Variants in EHD1 observed in about 807,000 individuals in gnomAD.
EHD1 encodes EH domain containing 1.
Under a neutral mutation model 39.0 loss-of-function variants are expected in EHD1, and 19 were observed. The observed-to-expected ratio is 0.49, with a 90% CI of 0.34 to 0.72. The LOEUF is 0.72. EHD1 is among the 30% of genes least tolerant of loss of function. The pLI is 0.01. For missense variants in EHD1, 542 were observed against 751.5 expected, an observed-to-expected ratio of 0.72 and a Z score of 3.26; for synonymous variants, 323 against 331.2, an observed-to-expected ratio of 0.98 and a Z score of 0.27.
Position 64,855,309 on chromosome 11 carries a change from G to T in EHD1, c.1080+13C>A. The T allele has an allele frequency of 6.2e-7, 1 of 1,612,004 alleles. No individual in the cohort carries two copies. Among genetic ancestry groups the T allele is most frequent in the South Asian group, 1.1e-5 (1 of 91,014 alleles). On this transcript the variant is annotated intron_variant, in intron 4 of 4. Coordinates refer to ENST00000320631, the MANE Select transcript of EHD1 (RefSeq NM_006795.4). ...TGGCCACCAGCCTGCATGGGGCCTCGGGACAGCCGTACCTGCATCTTGCGG... is the reference window on the plus strand; with the variant it reads ...TGGCCACCAGCCTGCATGGGGCCTCTGGACAGCCGTACCTGCATCTTGCGG...
At chr11:64,875,215 A>G (rs1340597595) in intron 1 of EHD1, among the ~76,000 whole-genome samples, 3 of 152,162 alleles carry the variant, frequency 2.0e-5, no homozygotes, top group Non-Finnish European at 4.4e-5. Context: ...CTCAGTTGAG[A>G]GCAGGGATCC....
rs370110477 is a variant in EHD1 at position 64,869,892 on chromosome 11, C to T, written c.502+4529G>A. Among the ~76,000 whole-genome samples the T allele has an allele frequency of 3.9e-4, 59 of 152,290 alleles. No homozygotes were observed. In the East Asian group the frequency reaches 0.011, roughly 28 times the overall value. On this transcript the variant is annotated intron_variant, in intron 2 of 4. Coordinates refer to ENST00000320631, the MANE Select transcript of EHD1 (RefSeq NM_006795.4). ...CAGGAAGTGGGGGCGGCCCACGGCG[C>T]AGGCCTGCCTCTGGGCCGGAGGGCT...
chr11:64,859,814 T>C, intron 3 of EHD1, 110 bp downstream of exon 3: 1 of 1,425,612 alleles, frequency 7.0e-7, no homozygotes, highest in Non-Finnish European at 9.3e-7. Flanking sequence ...CAGGTCTGCC[T>C]GTGAAGTGAG....
intron 2 of EHD1, among the ~76,000 whole-genome samples, chr11:64,867,628 A>G (rs2136491185): frequency 6.6e-6 from 1 of 152,296 alleles, no homozygotes; most frequent in African/African-American, 2.4e-5. Flanking sequence ...CTGAGGCAGG[A>G]GAATTGCTTG....
chr11:64,855,220 G>A, intron 4 of EHD1, 102 bp downstream of exon 4: 2 of 1,468,558 alleles, frequency 1.4e-6, no homozygotes, highest in Non-Finnish European at 1.8e-6. Context: ...GTTCAGGGAG[G>A]CCCTTCCCCA....
At chr11:64,865,700 T>C (rs1235925013) in intron 2 of EHD1, among the ~76,000 whole-genome samples, 1 of 152,126 alleles carries the variant, frequency 6.6e-6, no homozygotes, top group Non-Finnish European at 1.5e-5. Context: ...AGTGATGAAA[T>C]AAGTCTGTGA....
chr11:64,877,414 C>A (rs1186518834), intron 1 of EHD1, among the ~76,000 whole-genome samples: 1 of 152,170 alleles, frequency 6.6e-6, no homozygotes. Flanking sequence ...CCCACTGCCA[C>A]CACCTCATCC....
At chr11:64,859,768 CAA>C (rs1943692322) in intron 3 of EHD1, 154 bp downstream of exon 3, 19 of 1,118,858 alleles carry the variant, frequency 1.7e-5, no homozygotes, top group Non-Finnish European at 2.2e-5. Context: ...GGGTGCTGAC[CAA>C]AGACTGGTTT....
intron 1 of EHD1, among the ~76,000 whole-genome samples, chr11:64,876,214 T>C (rs1005512864): frequency 2.0e-5 from 3 of 152,190 alleles, no homozygotes. Flanking sequence ...AGCAGCCACA[T>C]AGGGGGAGAA....
In EHD1 at chr11:64,860,329, G is replaced by A. The variant is rs147528048; in HGVS notation, c.510C>T (p.Asp170=). ...CGAACCACTCCAGGACGGCTGCAAA[G>A]TCATAGCCTGGGGGGAAGAGAAGGG... ...GEKQRISRGY[D]FAAVLEWFAE... The change falls in exon 3 of 5, where the codon GAC becomes GAT. Residue 170 remains aspartate, a synonymous_variant. Transcript: ENST00000320631. The A allele has an allele frequency of 2.4e-5, 38 of 1,609,264 alleles. No individual in the cohort carries two copies. Among genetic ancestry groups the A allele is most frequent in the Non-Finnish European group, 3.1e-5 (37 of 1,176,462 alleles).
chr11:64,863,407 G>A (rs1374828779), intron 2 of EHD1, among the ~76,000 whole-genome samples: 5 of 152,214 alleles, frequency 3.3e-5, no homozygotes, highest in African/African-American at 1.2e-4. Context: ...CCACGGTGAT[G>A]GGAGGGCAGC....
At chr11:64,857,297 G>A (rs376568032) in intron 3 of EHD1, among the ~76,000 whole-genome samples, 1 of 152,102 alleles carries the variant, frequency 6.6e-6, no homozygotes, top group Non-Finnish European at 1.5e-5. Flanking sequence ...GGTGACGGGC[G>A]CCTGCAATCC....
Position 64,853,524 on chromosome 11 carries a change from C to G in EHD1, c.*809G>C, listed in dbSNP as rs1592741628. The stretch of plus-strand genomic sequence containing the variant: ...CACACCTAATGCCCCCTGGGCAGGG[C>G]TGCTCCTTGGCTGGAGGGTGGGAAG... On this transcript the variant is annotated 3_prime_UTR_variant, in exon 5 of 5. Transcript: ENST00000320631. The G allele has an allele frequency of 6.6e-6, 1 of 152,634 alleles. No individual in the cohort carries two copies. Among genetic ancestry groups the G allele is most frequent in the Non-Finnish European group, 1.5e-5 (1 of 68,110 alleles). 9.5% of individuals were successfully genotyped at this position (152,634 alleles called of 1,614,324 possible). A position where few individuals can be genotyped will look rare whatever the true frequency, so the allele number is the denominator to read the frequency against.
chr11:64,878,711 G>A (rs1943919736), upstream of EHD1: 3 of 1,347,586 alleles, frequency 2.2e-6, no homozygotes, highest in East Asian at 3.0e-5. Flanking sequence ...GGAATTGGGG[G>A]CGGTAGGGAG....
At chr11:64,876,384 T>C (rs1799266594) in intron 1 of EHD1, among the ~76,000 whole-genome samples, 2 of 152,230 alleles carry the variant, frequency 1.3e-5, no homozygotes, top group South Asian at 4.1e-4. Context: ...CGTGGGCTGA[T>C]AGGGCCCTTT....
chr11:64,866,383 G>C (rs1204552805), intron 2 of EHD1, among the ~76,000 whole-genome samples: 2 of 152,186 alleles, frequency 1.3e-5, no homozygotes, highest in Non-Finnish European at 2.9e-5. Flanking sequence ...CTTGAGGGTG[G>C]AATGGGTGAG....
chr11:64,877,900 TG>T, intron 1 of EHD1, 160 bp downstream of exon 1: 1 of 679,232 alleles, frequency 1.5e-6, no homozygotes, highest in Non-Finnish European at 2.2e-6. Flanking sequence ...GGGTTTACTC[TG>T]GGAAGGGGCA....
chr11:64,854,701 C>A lies in EHD1; in HGVS notation c.1237G>T (p.Ala413Ser). The part of the protein sequence containing the change: ...LMPSQVVKGG[A>S]FDGTMNGPFG... ...GGCCCGTTCATGGTGCCGTCAAAGG[C>A]GCCGCCCTTGACCACCTGGGAAGGC... The change falls in exon 5 of 5, where the codon GCC (alanine) becomes TCC (serine). Residue 413 changes from alanine to serine, a missense_variant. Physicochemically the swap from Ala to Ser is moderately conservative, Grantham distance 99. Coordinates refer to ENST00000320631, the MANE Select transcript of EHD1 (RefSeq NM_006795.4). The A allele has an allele frequency of 6.2e-7, 1 of 1,613,362 alleles. No individual in the cohort carries two copies. The highest frequency in any genetic ancestry group is 8.5e-7 in the Non-Finnish European group (1 of 1,180,010).
chr11:64,875,936 T>C (rs961505192), intron 1 of EHD1, among the ~76,000 whole-genome samples: 4 of 152,150 alleles, frequency 2.6e-5, no homozygotes, highest in African/African-American at 9.7e-5. Context: ...GGAAATCACA[T>C]ACATAAAAAT....
Sources: allele counts gnomAD v4.1 joint callset (sites outside exome capture counted in the v4.1 genomes callset), GRCh38; gene constraint gnomAD v4.1.1; transcripts MANE v1.5; gene names NCBI Gene and HGNC (gene_info 2026-07-23, HGNC 2026-07-21).